The following CSMD1 variants were observed in gnomAD, a reference collection of about 807,000 sequenced individuals.
The protein encoded by CSMD1 is CUB and Sushi multiple domains 1.
Under a neutral mutation model 417.5 loss-of-function variants are expected in CSMD1, and 213 were observed. That is an observed-to-expected ratio of 0.51 (90% CI 0.46 to 0.57). The LOEUF (loss-of-function observed/expected upper bound fraction) is 0.57. Among genes scored for constraint, CSMD1 ranks in the 20% least tolerant of loss-of-function variants. CSMD1 has a pLI of 0.00. For missense variants in CSMD1, 6,923 were observed against 4,529.7 expected (o/e 1.53, Z -15.17); for synonymous variants, 2,862 against 1,736.8 (o/e 1.65, Z -16.11).
chr8:4,019,710 A>T (rs1260695223), intron 4 of CSMD1, among the ~76,000 whole-genome samples: 1 of 152,128 alleles, frequency 6.6e-6, no homozygotes, highest in Non-Finnish European at 1.5e-5. Flanking sequence ...AGTTATTTAC[A>T]TGCACGTGGG....
chr8:3,595,644 C>T (rs1359489111), intron 8 of CSMD1, among the ~76,000 whole-genome samples: 1 of 152,160 alleles, frequency 6.6e-6, no homozygotes, highest in African/African-American at 2.4e-5. Context: ...TTGGCAATTT[C>T]CAGCTGTGAC....
chr8:4,066,063 A>T (rs1197972056), intron 3 of CSMD1, among the ~76,000 whole-genome samples: 1 of 152,212 alleles, frequency 6.6e-6, no homozygotes, highest in East Asian at 1.9e-4. Context: ...GAAAGCCTGG[A>T]ATAGGTGGCT....
intron 41 of CSMD1, among the ~76,000 whole-genome samples, chr8:3,141,066 T>G (rs772806039): frequency 6.6e-6 from 1 of 152,222 alleles, no homozygotes; most frequent in African/African-American, 2.4e-5. Flanking sequence ...TGGGACTCTC[T>G]GTGTCCTGAA....
chr8:4,328,054 C>T (rs993042754), intron 3 of CSMD1, among the ~76,000 whole-genome samples: 2 of 152,102 alleles, frequency 1.3e-5, no homozygotes, highest in South Asian at 4.1e-4. Flanking sequence ...GATCCAAGTA[C>T]TAAGCTCTGC....
intron 17 of CSMD1, among the ~76,000 whole-genome samples, chr8:3,395,380 C>G (rs999684144): frequency 7.2e-5 from 11 of 152,180 alleles, no homozygotes; most frequent in African/African-American, 2.6e-4. Flanking sequence ...AGCTGCTTTG[C>G]TTTGTTTTGT....
At chr8:4,331,345 C>G (rs573704529) in intron 3 of CSMD1, among the ~76,000 whole-genome samples, 2 of 152,118 alleles carry the variant, frequency 1.3e-5, no homozygotes, top group African/African-American at 4.8e-5. Context: ...TAATTTTACC[C>G]CGCCCCTCAA....
intron 1 of CSMD1, among the ~76,000 whole-genome samples, chr8:4,925,707 G>C (rs1367560233): frequency 3.3e-5 from 5 of 151,928 alleles, no homozygotes; most frequent in South Asian, 2.1e-4. Context: ...CCACCACGCA[G>C]GGCTAATTTT....
At chr8:3,267,344 C>G (rs980123405) in intron 26 of CSMD1, among the ~76,000 whole-genome samples, 1 of 152,150 alleles carries the variant, frequency 6.6e-6, no homozygotes, top group Non-Finnish European at 1.5e-5. Context: ...CTATCGCGTA[C>G]GAAAGGGGTG....
chr8:3,099,012 G>T (rs1046913132), intron 46 of CSMD1, among the ~76,000 whole-genome samples: 1 of 151,604 alleles, frequency 6.6e-6, no homozygotes, highest in African/African-American at 2.4e-5. Flanking sequence ...AAGCTTCTCG[G>T]TACTGCCGAC....
chr8:4,364,327 C>T (rs889996123), intron 3 of CSMD1, among the ~76,000 whole-genome samples: 10 of 152,148 alleles, frequency 6.6e-5, no homozygotes, highest in Admixed American at 1.3e-4. Context: ...GACTAGGGCC[C>T]TTAAAATAAA....
chr8:4,136,743 T>A (rs1027889789), intron 3 of CSMD1, among the ~76,000 whole-genome samples: 17 of 152,124 alleles, frequency 1.1e-4, no homozygotes, highest in Non-Finnish European at 2.9e-5. Context: ...TCTTGAAAGG[T>A]GTGCATGTGA....
At chr8:4,466,852 C>T (rs1445425495) in intron 2 of CSMD1, among the ~76,000 whole-genome samples, 1 of 151,820 alleles carries the variant, frequency 6.6e-6, no homozygotes, top group Non-Finnish European at 1.5e-5. Context: ...AACATTATTC[C>T]AAGATGACTT....
At chr8:4,739,166 G>C (rs1050175084) in intron 1 of CSMD1, among the ~76,000 whole-genome samples, 8 of 152,010 alleles carry the variant, frequency 5.3e-5, no homozygotes, top group African/African-American at 1.7e-4. Context: ...CTTCCTAATA[G>C]CTCATTTTAG....
At chr8:4,924,548 C>T (rs1229943905) in intron 1 of CSMD1, among the ~76,000 whole-genome samples, 4 of 151,854 alleles carry the variant, frequency 2.6e-5, no homozygotes, top group Non-Finnish European at 5.9e-5. Flanking sequence ...CATGGCAAAA[C>T]CCGTCTCTAC....
At chr8:3,091,343 G>T (rs1814929796) in intron 48 of CSMD1, among the ~76,000 whole-genome samples, 173 bp downstream of exon 48, 1 of 152,014 alleles carries the variant, frequency 6.6e-6, no homozygotes, top group African/African-American at 2.4e-5. Context: ...ATTTCCTAAT[G>T]TAGTTTAGAG....
intron 5 of CSMD1, among the ~76,000 whole-genome samples, chr8:3,872,488 G>A (rs963065868): frequency 1.5e-4 from 23 of 152,206 alleles, no homozygotes; most frequent in African/African-American, 5.3e-4. Context: ...CAGGTAAAAT[G>A]TGCTCCCTGG....
chr8:3,241,255 C>T (rs1188173727), intron 26 of CSMD1, among the ~76,000 whole-genome samples: 3 of 149,876 alleles, frequency 2.0e-5, no homozygotes, highest in African/African-American at 4.9e-5. Flanking sequence ...TCTAAGCTGG[C>T]ACCAGAGTTG....
intron 9 of CSMD1, among the ~76,000 whole-genome samples, chr8:3,582,752 C>T (rs1012837501): frequency 6.6e-6 from 1 of 152,088 alleles, no homozygotes; most frequent in African/African-American, 2.4e-5. Flanking sequence ...TATATGTTAG[C>T]ATGATACTAT....
At chr8:3,431,843 T>C (rs1814235305) in intron 12 of CSMD1, among the ~76,000 whole-genome samples, 1 of 152,210 alleles carries the variant, frequency 6.6e-6, no homozygotes, top group Non-Finnish European at 1.5e-5. Context: ...TGTCATTTCC[T>C]ACCAGCCTGC....
Sources: allele counts gnomAD v4.1 joint callset (sites outside exome capture counted in the v4.1 genomes callset), GRCh38; gene constraint gnomAD v4.1.1; transcripts MANE v1.5; gene names NCBI Gene and HGNC (gene_info 2026-07-23, HGNC 2026-07-21).